Variants in MPRIP observed in about 807,000 individuals in gnomAD.
MPRIP encodes the protein myosin phosphatase Rho-interacting protein.
MPRIP carries 59 observed loss-of-function variants against 234.9 expected under a neutral mutation model. That is an observed-to-expected ratio of 0.25 (90% CI 0.20 to 0.31). The LOEUF is 0.31. MPRIP is among the 10% of genes least tolerant of loss of function. The pLI, the probability that MPRIP is intolerant of heterozygous loss-of-function variation, is 1.00. For synonymous variants in MPRIP, 1,144 were observed against 1,263.9 expected (o/e 0.91, Z 2.01); for missense variants, 2,436 against 3,071.0 (o/e 0.79, Z 4.89).
chr17:17,080,342 C>T (rs939445762), intron 3 of MPRIP, among the ~76,000 whole-genome samples: 14 of 152,222 alleles, frequency 9.2e-5, no homozygotes, highest in African/African-American at 3.4e-4. Flanking sequence ...GAGCAGACAG[C>T]CTGTAGCCCA....
At position 17,076,098 on chromosome 17, in the gene MPRIP, A is replaced by C. The variant is rs2089321137; in HGVS notation, c.201+311A>C. 3 of 259,518 alleles carry C rather than the reference A, an allele frequency of 1.2e-5. No individual in the cohort carries two copies. The Admixed American group carries it at 1.6e-4, about 14-fold the overall frequency. 16.1% of individuals were successfully genotyped at this position (259,518 alleles called of 1,614,324 possible). ...GCAGTTAAAGGTTTGCATTATACCG[A>C]GCAGCTCCCAATTCCTTCCATGCCA... On this transcript the variant is annotated intron_variant, in intron 2 of 23. Transcript: ENST00000651222.
intron 3 of MPRIP, among the ~76,000 whole-genome samples, chr17:17,112,484 TTTGGGGGATGGTG>T (rs1447884635): frequency 4.6e-5 from 7 of 152,162 alleles, no homozygotes; most frequent in African/African-American, 1.7e-4. Context: ...AGTTAAAGGA[TTTGGGGGATGGTG>T]GCCCTGCCCC....
intron 1 of MPRIP, among the ~76,000 whole-genome samples, chr17:17,049,826 C>T (rs1242566247): frequency 6.6e-6 from 1 of 152,228 alleles, no homozygotes; most frequent in Non-Finnish European, 1.5e-5. Flanking sequence ...CTCAGACCAG[C>T]CCTGTCCTCT....
rs1423320861 is a variant in MPRIP, at chr17:17,166,794, G to T, written c.5203G>T (p.Ala1735Ser). The change falls in exon 16 of 24, where the codon GCG becomes TCG. Residue 1735 changes from alanine to serine, a missense_variant. Ala to Ser is a moderately conservative substitution (Grantham distance 99). Around this residue, in one of 4 missense-constraint regions of MPRIP, gnomAD observed 1,998 missense variants for 2,520.3 expected, o/e 0.79. Transcript: ENST00000651222. The surrounding 1 kb of genome is among the most constrained non-coding windows in gnomAD (Gnocchi z 4.4). ...GGTCTTGGAAGCCCTCAGGCTTCCA[G>T]CGGGCCATGAAGATGGTGTTCAGCT... ...QQVLEALRLP[A>S]GHEDGVQLSW... 4 of 1,304,130 alleles carry T rather than the reference G, an allele frequency of 3.1e-6. No individual in the cohort carries two copies. Among genetic ancestry groups the T allele is most frequent in the Non-Finnish European group, 4.0e-6 (4 of 988,960 alleles). The allele number at this position is 1,304,130 out of a possible 1,614,324, so 80.8% of individuals were successfully genotyped here. A position where few individuals can be genotyped will look rare whatever the true frequency, so the allele number is the denominator to read the frequency against.
intron 5 of MPRIP, 86 bp downstream of exon 5, chr17:17,131,787 G>A: frequency 7.9e-7 from 1 of 1,259,082 alleles, no homozygotes; most frequent in African/African-American, 1.5e-5. Context: ...TAGAGGGTGA[G>A]GACACAGTCA....
In MPRIP at chr17:17,173,936, A is replaced by G; in HGVS notation, c.6611A>G (p.Gln2204Arg). The stretch of plus-strand genomic sequence containing the variant: ...CCCAGGGAGGAGCTGCAGTCGGTGC[A>G]GCGGGAACTGGAGGTCCTCTCGGAG... ...RQYLEELQSV[Q>R]RELEVLSEQY... Residue 2204 changes from glutamine to arginine, a missense_variant, in exon 19 of 24, where the codon CAG becomes CGG. Physicochemically the swap from Gln to Arg is conservative, Grantham distance 43. Coordinates refer to ENST00000651222, the MANE Select transcript of MPRIP (RefSeq NM_001364716.4). 3 of 1,613,580 alleles carry G rather than the reference A, an allele frequency of 1.9e-6. No individual in the cohort carries two copies. Among genetic ancestry groups the G allele is most frequent in the Non-Finnish European group, 2.5e-6 (3 of 1,179,936 alleles).
At chr17:17,079,346 C>T (rs1039066518) in intron 3 of MPRIP, among the ~76,000 whole-genome samples, 19 of 152,220 alleles carry the variant, frequency 1.2e-4, no homozygotes, top group African/African-American at 4.3e-4. Flanking sequence ...ATGGGAACGT[C>T]TGTGCTCCAG....
chr17:17,159,062 G>C, intron 14 of MPRIP, 60 bp downstream of exon 14: 2 of 1,516,948 alleles, frequency 1.3e-6, no homozygotes, highest in Non-Finnish European at 8.9e-7. Flanking sequence ...AGCATCAGCT[G>C]TGCCCAGCTG....
chr17:17,059,113 T>C (rs2088794673), intron 1 of MPRIP, among the ~76,000 whole-genome samples: 1 of 152,238 alleles, frequency 6.6e-6, no homozygotes, highest in Non-Finnish European at 1.5e-5. Context: ...AAGCCTATTA[T>C]GTAGTCACGT....
intron 1 of MPRIP, among the ~76,000 whole-genome samples, chr17:17,075,479 G>C (rs908032675): frequency 6.6e-6 from 1 of 152,056 alleles, no homozygotes; most frequent in Non-Finnish European, 1.5e-5. Flanking sequence ...GTACTCTCCA[G>C]GTTCTCACAC....
At chr17:17,081,015 A>T (rs903669343) in intron 3 of MPRIP, among the ~76,000 whole-genome samples, 1 of 152,146 alleles carries the variant, frequency 6.6e-6, no homozygotes, top group Non-Finnish European at 1.5e-5. Flanking sequence ...TCAGACCGTG[A>T]TGTTGCAAAG....
chr17:17,177,285 C>G lies in MPRIP; in HGVS notation c.6993C>G (p.Ile2331Met). The G allele has an allele frequency of 1.2e-6, 2 of 1,614,082 alleles. No homozygotes were observed. The highest frequency in any genetic ancestry group is 1.7e-6 in the Non-Finnish European group (2 of 1,180,024). Residue 2331 changes from isoleucine (I) to methionine (M), a missense_variant, in exon 22 of 24, where the codon ATC (isoleucine) becomes ATG (methionine). Ile to Met is a conservative substitution (Grantham distance 10, BLOSUM62 1). Transcript: ENST00000651222. Reference protein sequence around the residue: ...KKYASDKYKDIYTELSIAKAK... With the variant: ...KKYASDKYKDMYTELSIAKAK... ...ACGCAAGTGACAAGTACAAAGACATCTACACAGAGCTCAGCATCGCGAAGG... is the reference window on the plus strand; with the variant it reads ...ACGCAAGTGACAAGTACAAAGACATGTACACAGAGCTCAGCATCGCGAAGG...
In MPRIP at chr17:17,046,327, A is replaced by G. The variant is rs553689201; in HGVS notation, c.123+3356A>G. Among the ~76,000 whole-genome samples, 6 of 152,284 alleles carry G rather than the reference A, an allele frequency of 3.9e-5. No homozygotes were observed. The East Asian group carries it at 7.7e-4, about 20-fold the overall frequency. Reference sequence around the variant, plus strand: ...GGTTGCTTATGGGTTTTGCTGTTACATACAGTGAATGTTTCGGCAAAGAGT... The same window carrying G: ...GGTTGCTTATGGGTTTTGCTGTTACGTACAGTGAATGTTTCGGCAAAGAGT... On this transcript the variant is annotated intron_variant, in intron 1 of 23. Transcript: ENST00000651222.
At chr17:17,059,550 G>A (rs1485760836) in intron 1 of MPRIP, among the ~76,000 whole-genome samples, 1 of 152,232 alleles carries the variant, frequency 6.6e-6, no homozygotes, top group East Asian at 1.9e-4. Flanking sequence ...CCCACAGACG[G>A]TGTCCCCTGA....
At chr17:17,112,889 T>C (rs12450213) in intron 3 of MPRIP, among the ~76,000 whole-genome samples, 13,249 of 152,258 alleles carry the variant, frequency 0.087, 816 homozygotes, top group East Asian at 0.17. Flanking sequence ...TTTCTGCTGG[T>C]GACACAGCCA....
intron 1 of MPRIP, among the ~76,000 whole-genome samples, chr17:17,064,629 T>A (rs890123267): frequency 6.6e-6 from 1 of 152,218 alleles, no homozygotes; most frequent in African/African-American, 2.4e-5. Flanking sequence ...GAATGTTATG[T>A]GAAGAAAATC....
rs201531677 is a variant in MPRIP, at chr17:17,159,562, CT to C, written c.2400+561del. Among the ~76,000 whole-genome samples the C allele has an allele frequency of 5.4e-3, 819 of 152,322 alleles. 4 individuals are homozygous for C. Among genetic ancestry groups the C allele is most frequent in the African/African-American group, 0.018 (748 of 41,560 alleles). On this transcript the variant is annotated intron_variant, in intron 14 of 23. Transcript: ENST00000651222. Reference sequence around the variant, plus strand: ...GATGAAGGCTGCCCTGTGACTGTCACTCCTCCACGAGGCCTTCAGTGCACCT... The same window carrying C: ...GATGAAGGCTGCCCTGTGACTGTCACCCTCCACGAGGCCTTCAGTGCACCT...
At chr17:17,050,983 G>T (rs540084348) in intron 1 of MPRIP, among the ~76,000 whole-genome samples, 14 of 152,348 alleles carry the variant, frequency 9.2e-5, no homozygotes, top group African/African-American at 3.4e-4. Context: ...CACACAGAAG[G>T]ACTATAGTCC....
Position 17,189,890 on chromosome 17 carries a change from G to C in MPRIP, c.*4996G>C, listed in dbSNP as rs1218550238. ...CAGCTGAAGTGAGCGAAGGTTCTCA[G>C]TGCTGGCAAAAGAGCCCACTTTCTA... On this transcript the variant is annotated 3_prime_UTR_variant, in exon 24 of 24. Coordinates refer to ENST00000651222, the MANE Select transcript of MPRIP (RefSeq NM_001364716.4). The C allele has an allele frequency of 6.6e-6, 1 of 152,208 alleles. No homozygotes were observed. Among genetic ancestry groups the C allele is most frequent in the Non-Finnish European group, 1.5e-5 (1 of 68,052 alleles). 9.4% of individuals were successfully genotyped at this position (152,208 alleles called of 1,614,324 possible).
Sources: gnomAD v4.1 joint callset for allele counts (sites outside exome capture counted in the v4.1 genomes callset) on GRCh38, gnomAD v4.1.1 for gene constraint, gnomAD v4.1.1 regional missense constraint, Gnocchi (gnomAD v3.1) non-coding constraint, MANE v1.5 for transcripts, NCBI Gene and HGNC (gene_info 2026-07-23, HGNC 2026-07-21) for gene names.